Variants in MGAT4A observed in about 807,000 individuals in gnomAD.
MGAT4A encodes the protein N-acetylglucosaminyltransferase IVa.
In MGAT4A, 33 loss-of-function variants were observed where a neutral mutation model predicts 74.1. The ratio of observed to expected loss-of-function variants is 0.45; its 90% CI spans 0.34 to 0.60. The LOEUF is 0.60. MGAT4A is among the 20% of genes least tolerant of loss of function. MGAT4A has a pLI of 0.02. For missense variants in MGAT4A, 479 were observed against 628.3 expected (o/e 0.76, Z 2.54); for synonymous variants, 198 against 210.4 (o/e 0.94, Z 0.51).
intron 4 of MGAT4A, among the ~76,000 whole-genome samples, chr2:98,666,014 G>C (rs903701300): frequency 1.3e-5 from 2 of 152,262 alleles, no homozygotes; most frequent in Admixed American, 1.3e-4. Context: ...TTGTAAGGTT[G>C]TAAGCAGGGG....
intron 2 of MGAT4A, among the ~76,000 whole-genome samples, chr2:98,704,128 T>C (rs906582047): frequency 1.3e-5 from 2 of 152,178 alleles, no homozygotes; most frequent in African/African-American, 4.8e-5. Context: ...GCCTAGTGGA[T>C]CACCACCTAG....
intron 4 of MGAT4A, among the ~76,000 whole-genome samples, chr2:98,670,830 G>C (rs368256542): frequency 6.6e-6 from 1 of 151,968 alleles, no homozygotes; most frequent in Non-Finnish European, 1.5e-5. Flanking sequence ...CCATTTCTGC[G>C]TCTTCAACCA....
chr2:98,696,839 T>C (rs1366444286), intron 2 of MGAT4A, among the ~76,000 whole-genome samples: 1 of 152,260 alleles, frequency 6.6e-6, no homozygotes, highest in Non-Finnish European at 1.5e-5. Flanking sequence ...AACAACTGCA[T>C]ACCCATACAT....
chr2:98,713,930 T>G (rs996276757), intron 2 of MGAT4A, among the ~76,000 whole-genome samples: 6 of 152,060 alleles, frequency 3.9e-5, no homozygotes, highest in Non-Finnish European at 8.8e-5. Flanking sequence ...CTTTAGAAAA[T>G]AGCATCTGTA....
chr2:98,671,678 C>T (rs1017506938), intron 4 of MGAT4A, among the ~76,000 whole-genome samples: 6 of 152,140 alleles, frequency 3.9e-5, no homozygotes, highest in Non-Finnish European at 2.9e-5. Context: ...ATGTCCATGC[C>T]GTAATTCCTG....
rs766983689 is a variant in MGAT4A, at chr2:98,726,025, A to G, written c.94+214T>C. ...AGTATCTGTTTCTCCAAGTACAATT[A>G]TAAGAAACTGAAAACAAAACAAGCC... On this transcript the variant is annotated intron_variant, in intron 2 of 15. Coordinates refer to ENST00000393487, the MANE Select transcript of MGAT4A (RefSeq NM_012214.3). The G allele has an allele frequency of 3.9e-5, 19 of 483,702 alleles. No individual in the cohort carries two copies. The East Asian group carries it at 5.7e-4, about 14-fold the overall frequency. The allele number at this position is 483,702 out of a possible 1,614,324, so 30.0% of individuals were successfully genotyped here.
chr2:98,702,705 C>T (rs555977489), intron 2 of MGAT4A, among the ~76,000 whole-genome samples: 134 of 152,340 alleles, frequency 8.8e-4, no homozygotes, highest in Non-Finnish European at 1.5e-3. Flanking sequence ...TGTTTGACTA[C>T]AAGCACTGAC....
rs138746320 is a variant in MGAT4A, at chr2:98,666,262, C to T, written c.404-3083G>A. 5.6e-3 allele frequency among the ~76,000 whole-genome samples: 851 copies of T among 152,086 alleles called. 11 individuals carry two copies. The highest frequency in any genetic ancestry group is 0.019 in the African/African-American group (788 of 41,456). On this transcript the variant is annotated intron_variant, in intron 4 of 15. Transcript: ENST00000393487. ...ATCAAGGGTGACTTGAGTAACTGGA[C>T]GGGGGCAACTTTCACTCAGAACAAC...
chr2:98,624,638 T>A lies in MGAT4A; in HGVS notation c.*928A>T, dbSNP rs945792902. 2 of 983,464 alleles carry A rather than the reference T, an allele frequency of 2.0e-6. No homozygotes were observed. The highest frequency in any genetic ancestry group is 2.4e-6 in the Non-Finnish European group (2 of 828,226). The allele number at this position is 983,464 out of a possible 1,614,324, so 60.9% of individuals were successfully genotyped here. ...CAGATATAAAAGAATCAACAGCAGATAATGCACCTAATTCATGGATTAAAG... is the reference window on the plus strand; with the variant it reads ...CAGATATAAAAGAATCAACAGCAGAAAATGCACCTAATTCATGGATTAAAG... On this transcript the variant is annotated 3_prime_UTR_variant, in exon 16 of 16. Transcript: ENST00000393487.
At position 98,625,026 on chromosome 2, in the gene MGAT4A, C is replaced by A. The variant is rs1379352041; in HGVS notation, c.*540G>T. On this transcript the variant is annotated 3_prime_UTR_variant, in exon 16 of 16. Transcript: ENST00000393487. Reference sequence around the variant, plus strand: ...TTTCCAAAGAAAAATATAGAAAGAACTTAAAAAAGCAAGGAAACTGGTTTT... The same window carrying A: ...TTTCCAAAGAAAAATATAGAAAGAAATTAAAAAAGCAAGGAAACTGGTTTT... 2 of 983,454 alleles carry A rather than the reference C, an allele frequency of 2.0e-6. No individual in the cohort carries two copies. The highest frequency in any genetic ancestry group is 3.5e-5 in the African/African-American group (2 of 57,132). 60.9% of individuals were successfully genotyped at this position (983,454 alleles called of 1,614,324 possible).
intron 4 of MGAT4A, among the ~76,000 whole-genome samples, chr2:98,674,458 G>A (rs921371996): frequency 4.6e-5 from 7 of 152,240 alleles, no homozygotes; most frequent in East Asian, 1.9e-4. Context: ...CTGTCCTTAC[G>A]TTGCTTCAAA....
chr2:98,708,203 T>G (rs1702466743), intron 2 of MGAT4A, among the ~76,000 whole-genome samples: 1 of 152,034 alleles, frequency 6.6e-6, no homozygotes, highest in Non-Finnish European at 1.5e-5. Flanking sequence ...CCTGGTCTTA[T>G]GGGATCCTCC....
At chr2:98,648,360 C>G (rs1185036260) in intron 8 of MGAT4A, among the ~76,000 whole-genome samples, 1 of 152,054 alleles carries the variant, frequency 6.6e-6, no homozygotes, top group Admixed American at 6.6e-5. Context: ...ATTAGCCAGG[C>G]CTGGTGCCAA....
rs148614864 is a variant in MGAT4A at position 98,680,080 on chromosome 2, G to A, written c.95-1609C>T. Among the ~76,000 whole-genome samples, 1,164 of 135,184 alleles carry A rather than the reference G, an allele frequency of 8.6e-3. 7 individuals are homozygous for A. The highest frequency in any genetic ancestry group is 0.068 in the Middle Eastern group (14 of 206). The allele number at this position is 135,184 out of a possible 152,430, so 88.7% of individuals were successfully genotyped here. A position where few individuals can be genotyped will look rare whatever the true frequency, so the allele number is the denominator to read the frequency against. ...TTCTGAGACAGAGTCTCACTCTGTC[G>A]CCCAGGCTTGAGTACAGTGGCGCGA... On this transcript the variant is annotated intron_variant, in intron 2 of 15. Transcript: ENST00000393487.
chr2:98,639,758 G>A (rs750820274), intron 12 of MGAT4A, 50 bp downstream of exon 12: 14 of 1,487,586 alleles, frequency 9.4e-6, no homozygotes, highest in African/African-American at 2.8e-5. Context: ...ATCACATTAC[G>A]AATAAGAGAT....
chr2:98,717,514 A>G (rs548552339), intron 2 of MGAT4A, among the ~76,000 whole-genome samples: 2 of 152,302 alleles, frequency 1.3e-5, no homozygotes, highest in East Asian at 3.9e-4. Context: ...TGAAATTCAA[A>G]TAAGGTTTGT....
Position 98,624,991 on chromosome 2 carries a change from A to C in MGAT4A, c.*575T>G. Reference sequence around the variant, plus strand: ...CATTTGAAAAATGGCATTGGTTTGTAATGTTTGCATTTCCAAAGAAAAATA... The same window carrying C: ...CATTTGAAAAATGGCATTGGTTTGTCATGTTTGCATTTCCAAAGAAAAATA... On this transcript the variant is annotated 3_prime_UTR_variant, in exon 16 of 16. Coordinates refer to ENST00000393487, the MANE Select transcript of MGAT4A (RefSeq NM_012214.3). 1 of 985,282 alleles carries C rather than the reference A, an allele frequency of 1.0e-6. No individual in the cohort carries two copies. The highest frequency in any genetic ancestry group is 1.2e-6 in the Non-Finnish European group (1 of 829,446). 61.0% of individuals were successfully genotyped at this position (985,282 alleles called of 1,614,324 possible). A position where few individuals can be genotyped will look rare whatever the true frequency, so the allele number is the denominator to read the frequency against.
chr2:98,661,103 C>T (rs756166661), intron 5 of MGAT4A, among the ~76,000 whole-genome samples: 1 of 152,084 alleles, frequency 6.6e-6, no homozygotes, highest in Non-Finnish European at 1.5e-5. Context: ...GGCAAAGGAC[C>T]TGAACAGACA....
intron 5 of MGAT4A, 148 bp downstream of exon 5, chr2:98,662,898 A>T: frequency 1.8e-6 from 1 of 541,106 alleles, no homozygotes. Context: ...TTCAATTTAC[A>T]TTAAACTACC....
Sources: gnomAD v4.1 joint callset for allele counts (sites outside exome capture counted in the v4.1 genomes callset) on GRCh38, gnomAD v4.1.1 for gene constraint, MANE v1.5 for transcripts, NCBI Gene and HGNC (gene_info 2026-07-23, HGNC 2026-07-21) for gene names.